GALNT13: variants seen among roughly 807,000 people sequenced by gnomAD.
The protein encoded by GALNT13 is polypeptide N-acetylgalactosaminyltransferase 13, also known as UDP-GalNAc:polypeptide N-acetylgalactosaminyltransferase 13.
In GALNT13, 28 loss-of-function variants were observed where a neutral mutation model predicts 64.2. The ratio of observed to expected loss-of-function variants is 0.44; its 90% CI spans 0.32 to 0.60. GALNT13 has a LOEUF of 0.60. GALNT13 is among the 20% of genes least tolerant of loss of function. The pLI is 0.05. For missense variants in GALNT13, 577 were observed against 669.8 expected, an observed-to-expected ratio of 0.86 and a Z score of 1.53; for synonymous variants, 214 against 224.6, an observed-to-expected ratio of 0.95 and a Z score of 0.42.
At chr2:153,846,188 T>C in the GALNT13 span, among the ~76,000 whole-genome samples, 3 of 152,100 alleles carry the variant, frequency 2.0e-5, no homozygotes, top group Non-Finnish European at 2.9e-5. Flanking sequence ...AGGATAAATA[T>C]ATGGAAAATC....
chr2:153,791,840 A>G, the GALNT13 span, among the ~76,000 whole-genome samples: 1 of 152,164 alleles, frequency 6.6e-6, no homozygotes, highest in African/African-American at 2.4e-5. Context: ...ACCAAATATC[A>G]CATGTTCTCA....
chr2:153,979,553 A>G (rs367861191), intron 3 of GALNT13, among the ~76,000 whole-genome samples: 20 of 152,176 alleles, frequency 1.3e-4, no homozygotes, highest in African/African-American at 4.8e-4. Flanking sequence ...ATCAATTTCA[A>G]TAGGTATTGA....
the GALNT13 span, among the ~76,000 whole-genome samples, chr2:153,266,625 A>G: frequency 2.8e-4 from 42 of 152,112 alleles, no homozygotes; most frequent in Non-Finnish European, 5.9e-4. Context: ...TTAAGCCATC[A>G]GATCTCATGA....
chr2:153,959,479 A>G (rs1280890802), intron 3 of GALNT13, among the ~76,000 whole-genome samples: 1 of 152,256 alleles, frequency 6.6e-6, no homozygotes, highest in Non-Finnish European at 1.5e-5. Context: ...ATTTAAGAAA[A>G]TAAAACAAAT....
chr2:153,509,938 TTAC>T, the GALNT13 span, among the ~76,000 whole-genome samples: 1 of 152,204 alleles, frequency 6.6e-6, no homozygotes, highest in Non-Finnish European at 1.5e-5. Context: ...AGACTTATTT[TTAC>T]TACTAAGTAT....
the GALNT13 span, among the ~76,000 whole-genome samples, chr2:153,861,781 G>C: frequency 6.6e-6 from 1 of 151,934 alleles, no homozygotes; most frequent in Non-Finnish European, 1.5e-5. Flanking sequence ...TCACCATGTT[G>C]GCCAGGTTGG....
intron 9 of GALNT13, among the ~76,000 whole-genome samples, chr2:154,354,388 T>G (rs949153584): frequency 2.1e-5 from 3 of 143,196 alleles, no homozygotes; most frequent in Non-Finnish European, 4.6e-5. Flanking sequence ...ATAGATGCCT[T>G]TTAGTTTGAT....
the GALNT13 span, among the ~76,000 whole-genome samples, chr2:153,781,544 T>C: frequency 6.6e-6 from 1 of 152,152 alleles, no homozygotes; most frequent in African/African-American, 2.4e-5. Flanking sequence ...CTCCCTGAAG[T>C]GTGAATTCCC....
chr2:153,960,863 GAA>G (rs1692894162), intron 3 of GALNT13, among the ~76,000 whole-genome samples: 1 of 152,050 alleles, frequency 6.6e-6, no homozygotes, highest in Non-Finnish European at 1.5e-5. Context: ...GATTCATACT[GAA>G]GTTTTATTCA....
At chr2:154,272,206 T>C (rs374170082) in intron 8 of GALNT13, among the ~76,000 whole-genome samples, 32 of 152,060 alleles carry the variant, frequency 2.1e-4, no homozygotes, top group African/African-American at 7.0e-4. Context: ...TACCATTAGA[T>C]GGAAATAAAG....
At chr2:153,291,490 C>T in the GALNT13 span, among the ~76,000 whole-genome samples, 54 of 152,168 alleles carry the variant, frequency 3.5e-4, no homozygotes, top group African/African-American at 1.3e-3. Flanking sequence ...CAAAAGATTT[C>T]GTATGTGAAT....
At chr2:153,588,061 A>AG in the GALNT13 span, among the ~76,000 whole-genome samples, 1 of 152,230 alleles carries the variant, frequency 6.6e-6, no homozygotes, top group African/African-American at 2.4e-5. Flanking sequence ...TCTCACATCC[A>AG]GGTCATGCTG....
At chr2:154,223,148 G>A (rs970787107) in intron 4 of GALNT13, among the ~76,000 whole-genome samples, 5 of 152,102 alleles carry the variant, frequency 3.3e-5, no homozygotes. Flanking sequence ...ATGTAATCAA[G>A]TGGTCTTAAA....
rs141104040 is a variant in GALNT13 at position 154,395,153 on chromosome 2, T to C, written c.1157-838T>C. 7.9e-5 allele frequency among the ~76,000 whole-genome samples: 12 copies of C among 152,320 alleles called. No individual in the cohort carries two copies. In the East Asian group the frequency reaches 2.3e-3, roughly 29 times the overall value. ...TAAACATTGAAATATTTTCAGAATA[T>C]TCTAAGAATAATTGCTGTCTTGTCA... On this transcript the variant is annotated intron_variant, in intron 9 of 12. Coordinates refer to ENST00000392825, the MANE Select transcript of GALNT13 (RefSeq NM_052917.4).
At chr2:153,211,980 T>C in the GALNT13 span, among the ~76,000 whole-genome samples, 298 of 152,328 alleles carry the variant, frequency 2.0e-3, 2 homozygotes, top group African/African-American at 6.7e-3. Flanking sequence ...TCCTCACTTA[T>C]GCCATCTGCA....
intron 11 of GALNT13, among the ~76,000 whole-genome samples, chr2:154,429,544 G>GA (rs1248861348): frequency 2.6e-5 from 4 of 152,162 alleles, no homozygotes; most frequent in African/African-American, 9.7e-5. Context: ...GAGTTTTAAG[G>GA]AAAGAAAGAT....
intron 2 of GALNT13, among the ~76,000 whole-genome samples, chr2:153,926,807 A>T: frequency 6.6e-6 from 1 of 152,146 alleles, no homozygotes; most frequent in Non-Finnish European, 1.5e-5. Flanking sequence ...TATCACTATT[A>T]TTGGTGATTT....
chr2:154,084,461 T>C (rs1248283005), intron 3 of GALNT13, among the ~76,000 whole-genome samples: 3 of 151,890 alleles, frequency 2.0e-5, no homozygotes, highest in African/African-American at 2.4e-5. Flanking sequence ...CTACTAAATT[T>C]TAGGAAATTG....
intron 3 of GALNT13, among the ~76,000 whole-genome samples, chr2:153,985,829 C>A (rs1009321967): frequency 6.6e-6 from 1 of 151,958 alleles, no homozygotes; most frequent in Non-Finnish European, 1.5e-5. Context: ...TATTAAAATG[C>A]TATTCAGTAG....
Sources: gnomAD v4.1 joint callset for allele counts (sites outside exome capture counted in the v4.1 genomes callset) on GRCh38, gnomAD v4.1.1 for gene constraint, MANE v1.5 for transcripts, NCBI Gene and HGNC (gene_info 2026-07-23, HGNC 2026-07-21) for gene names.